Variants in SHANK2 observed in about 807,000 individuals in gnomAD.
SHANK2 encodes SH3 and multiple ankyrin repeat domains 2.
SHANK2 carries 43 observed loss-of-function variants against 133.7 expected under a neutral mutation model. The ratio of observed to expected loss-of-function variants is 0.32; its 90% CI spans 0.25 to 0.41. The LOEUF (loss-of-function observed/expected upper bound fraction) is 0.41. SHANK2 is among the 10% of genes least tolerant of loss of function. SHANK2 has a pLI of 1.00. For missense variants in SHANK2, 1,994 were observed against 2,235.8 expected (o/e 0.89, Z 2.18); for synonymous variants, 1,017 against 952.8 (o/e 1.07, Z -1.24).
chr11:70,672,970 G>C (rs1447771959), intron 15 of SHANK2, among the ~76,000 whole-genome samples: 1 of 152,222 alleles, frequency 6.6e-6, no homozygotes, highest in African/African-American at 2.4e-5. Context: ...TCTGCAAAAT[G>C]AAAGACCAGG....
intron 9 of SHANK2, among the ~76,000 whole-genome samples, chr11:71,059,018 C>T (rs1279774195): frequency 6.6e-6 from 1 of 152,150 alleles, no homozygotes; most frequent in Non-Finnish European, 1.5e-5. Flanking sequence ...AGTTCAAGAC[C>T]AGCCTGGCAA....
In SHANK2 at chr11:70,535,035, C is replaced by T. The variant is rs1045388101; in HGVS notation, c.2062-32104G>A. Among the ~76,000 whole-genome samples the T allele has an allele frequency of 6.6e-6, 1 of 152,222 alleles. No individual in the cohort carries two copies. Among genetic ancestry groups the T allele is most frequent in the Non-Finnish European group, 1.5e-5 (1 of 68,040 alleles). On this transcript the variant is annotated intron_variant, in intron 17 of 25. Coordinates refer to ENST00000601538, the MANE Select transcript of SHANK2 (RefSeq NM_012309.5). The surrounding 1 kb of genome is among the most constrained non-coding windows in gnomAD (Gnocchi z 4.3). ...TGGTCAGGGTGGTCCTCAGCTCTCA[C>T]ACTCTGCTTCCCACCCATGTTGAAC...
chr11:71,059,979 C>T (rs1239695113), intron 9 of SHANK2, among the ~76,000 whole-genome samples: 2 of 152,144 alleles, frequency 1.3e-5, no homozygotes, highest in African/African-American at 2.4e-5. Context: ...CTCCACAGAC[C>T]GTGCTGAGTG....
At chr11:70,939,716 T>C (rs1423745024) in intron 10 of SHANK2, among the ~76,000 whole-genome samples, 5 of 152,028 alleles carry the variant, frequency 3.3e-5, no homozygotes, top group Admixed American at 3.3e-4. Context: ...AAAGGCCCCG[T>C]CCTACCCGCA....
Position 71,208,985 on chromosome 11 carries a change from G to A in SHANK2, c.-13+15712C>T, listed in dbSNP as rs115029917. On this transcript the variant is annotated intron_variant, in intron 2 of 25. Coordinates refer to ENST00000601538, the MANE Select transcript of SHANK2 (RefSeq NM_012309.5). ...GGCATCTGCAGAAGTAAGATGCACC[G>A]TCAGCCACTGTTCCTCACCAGAGAG... 6.1e-3 allele frequency among the ~76,000 whole-genome samples: 923 copies of A among 152,282 alleles called. 9 individuals carry two copies. The highest frequency in any genetic ancestry group is 0.021 in the African/African-American group (880 of 41,564).
At chr11:71,251,825 C>G (rs1251617713) in intron 1 of SHANK2, among the ~76,000 whole-genome samples, 2 of 151,444 alleles carry the variant, frequency 1.3e-5, no homozygotes, top group African/African-American at 4.8e-5. Flanking sequence ...ACAGCTGCTG[C>G]TGCCGCCGCG....
intron 2 of SHANK2, among the ~76,000 whole-genome samples, chr11:71,181,756 C>T (rs1555113795): frequency 6.6e-6 from 1 of 152,146 alleles, no homozygotes; most frequent in Non-Finnish European, 1.5e-5. Context: ...GGGACGTGCC[C>T]AGGAATCCTC....
chr11:71,055,945 A>G (rs1206941558), intron 10 of SHANK2, among the ~76,000 whole-genome samples: 1 of 151,844 alleles, frequency 6.6e-6, no homozygotes, highest in Non-Finnish European at 1.5e-5. Flanking sequence ...AATGGTTCAA[A>G]TGTTAAATGT....
At chr11:70,787,086 C>A (rs1346959862) in intron 14 of SHANK2, among the ~76,000 whole-genome samples, 1 of 150,366 alleles carries the variant, frequency 6.7e-6, no homozygotes, top group African/African-American at 2.5e-5. Flanking sequence ...ACCACCACCA[C>A]CAGCATCACC....
chr11:70,584,719 G>T lies in SHANK2; in HGVS notation c.2061+75109C>A, dbSNP rs190648083. On this transcript the variant is annotated intron_variant, in intron 17 of 25. Coordinates refer to ENST00000601538, the MANE Select transcript of SHANK2 (RefSeq NM_012309.5). ...AATGGACCTTGTGCTTCCCTGAATG[G>T]CCCCCAAGGCATGGCCTCCCCTACC... Among the ~76,000 whole-genome samples, 40 of 152,200 alleles carry T rather than the reference G, an allele frequency of 2.6e-4. No individual in the cohort carries two copies. In the East Asian group the frequency reaches 5.8e-3, roughly 22 times the overall value.
chr11:71,073,149 T>TTTC (rs1951168352), intron 9 of SHANK2, among the ~76,000 whole-genome samples: 3 of 32,032 alleles, frequency 9.4e-5, no homozygotes, highest in African/African-American at 1.5e-4. Context: ...TTTCTTTTCT[T>TTTC]TTTTTTCTTT....
chr11:70,857,097 G>T (rs782469299), intron 11 of SHANK2, among the ~76,000 whole-genome samples: 1 of 152,160 alleles, frequency 6.6e-6, no homozygotes, highest in South Asian at 2.1e-4. Flanking sequence ...TTTCCCTGAC[G>T]ATGGCCCCAG....
At chr11:71,223,083 G>A (rs1394568932) in intron 2 of SHANK2, among the ~76,000 whole-genome samples, 2 of 152,246 alleles carry the variant, frequency 1.3e-5, no homozygotes, top group African/African-American at 4.8e-5. Context: ...GGAGGGACAT[G>A]CAGGTGCAGA....
At chr11:70,872,917 G>A (rs1409217357) in intron 11 of SHANK2, 5 of 447,046 alleles carry the variant, frequency 1.1e-5, no homozygotes, top group Non-Finnish European at 2.3e-5. Context: ...GGCAGGAGGA[G>A]CACATATCCA....
At chr11:70,780,819 C>T (rs1177558515) in intron 14 of SHANK2, among the ~76,000 whole-genome samples, 3 of 152,148 alleles carry the variant, frequency 2.0e-5, no homozygotes, top group African/African-American at 7.2e-5. Context: ...GGTGATCTGC[C>T]TGCCTCGTCC....
chr11:70,870,312 A>C (rs903503134), intron 11 of SHANK2, among the ~76,000 whole-genome samples: 1 of 152,014 alleles, frequency 6.6e-6, no homozygotes, highest in Non-Finnish European at 1.5e-5. Context: ...ACCAGTGGGG[A>C]GGGAGGGGCA....
At chr11:71,069,799 C>T (rs1257034479) in intron 9 of SHANK2, among the ~76,000 whole-genome samples, 1 of 152,194 alleles carries the variant, frequency 6.6e-6, no homozygotes, top group Non-Finnish European at 1.5e-5. Context: ...CTCCTGACTC[C>T]TTTCCTTGAA....
intron 8 of SHANK2, among the ~76,000 whole-genome samples, chr11:71,086,185 ATAATATATTAAATTATATAATATAT>A (rs1379083322): frequency 0.47 from 11,704 of 24,676 alleles, 4,027 homozygotes; most frequent in Non-Finnish European, 0.6. Flanking sequence ...ATTATGTTAT[ATAATATATTAAATTATATAATATAT>A]TATGTTATAT....
At chr11:70,708,590 C>T (rs561071577) in intron 14 of SHANK2, among the ~76,000 whole-genome samples, 2 of 152,262 alleles carry the variant, frequency 1.3e-5, no homozygotes, top group Admixed American at 1.3e-4. Flanking sequence ...GTGTCCATGA[C>T]AAAGACAGTG....
Sources: gnomAD v4.1 joint callset for allele counts (sites outside exome capture counted in the v4.1 genomes callset) on GRCh38, gnomAD v4.1.1 for gene constraint, Gnocchi (gnomAD v3.1) non-coding constraint, MANE v1.5 for transcripts, NCBI Gene and HGNC (gene_info 2026-07-23, HGNC 2026-07-21) for gene names.